Variants in DTNA observed in about 807,000 individuals in gnomAD.
The protein encoded by DTNA is dystrobrevin alpha.
DTNA carries 43 observed loss-of-function variants against 100.7 expected under a neutral mutation model. The ratio of observed to expected loss-of-function variants is 0.43; its 90% CI spans 0.33 to 0.55. The LOEUF is 0.55. Among genes scored for constraint, DTNA ranks in the 20% least tolerant of loss-of-function variants. The probability of loss-of-function intolerance (pLI) is 0.04; values close to 1 mark genes in which losing one functional copy is unlikely to be tolerated. For synonymous variants in DTNA, 349 were observed against 347.9 expected (o/e 1.00, Z -0.04); for missense variants, 798 against 953.9 (o/e 0.84, Z 2.15).
rs150249314 is a variant in DTNA, at chr18:34,579,093, C to T, written c.-2+85579C>T. ...TTTTCGTTGTTGTGTCTTAAGATTG[C>T]ACACATGCATCTTTATTATTGTTTA... is the stretch of plus-strand genomic sequence containing the variant. On this transcript the variant is annotated intron_variant, in intron 1 of 19. Coordinates refer to the DTNA transcript ENST00000283365. Among the ~76,000 whole-genome samples the T allele has an allele frequency of 2.0e-5, 3 of 152,166 alleles. No homozygotes were observed. The East Asian group carries it at 5.8e-4, about 29-fold the overall frequency.
At chr18:34,748,352 T>C (rs2091914237) in intron 1 of DTNA, among the ~76,000 whole-genome samples, 1 of 152,194 alleles carries the variant, frequency 6.6e-6, no homozygotes, top group Non-Finnish European at 1.5e-5. Flanking sequence ...TCACATTTGC[T>C]TTTGGGCCTT....
chr18:34,527,587 G>A (rs1453857351), intron 1 of DTNA, among the ~76,000 whole-genome samples: 1 of 152,064 alleles, frequency 6.6e-6, no homozygotes. Context: ...AGATATCACT[G>A]AAGACATTGT....
rs144887784 is a variant in DTNA, at chr18:34,679,225, A to C, written c.-1-76751A>C. 2.9e-3 allele frequency among the ~76,000 whole-genome samples: 445 copies of C among 152,280 alleles called. 2 individuals carry two copies. The highest frequency in any genetic ancestry group is 0.01 in the African/African-American group (419 of 41,566). On this transcript the variant is annotated intron_variant, in intron 1 of 19. Transcript: ENST00000283365. ...GCTTTTAAATCTTGGATGATCACTTAATCCCTCTGGAACTCACTGTCCTCA... is the reference window on the plus strand; with the variant it reads ...GCTTTTAAATCTTGGATGATCACTTCATCCCTCTGGAACTCACTGTCCTCA...
rs545389659 is a variant in DTNA, at chr18:34,812,800, A to G, written c.603+687A>G. Among the ~76,000 whole-genome samples, 3 of 152,256 alleles carry G rather than the reference A, an allele frequency of 2.0e-5. No individual in the cohort carries two copies. The East Asian group carries it at 5.8e-4, about 29-fold the overall frequency. On this transcript the variant is annotated intron_variant, in intron 6 of 22. Coordinates refer to ENST00000444659, the MANE Select transcript of DTNA (RefSeq NM_001386795.1). ...ATCACTGCACTTTCAAAAGGGCTTA[A>G]TTGTCTCACTCAGCCTCATGTGAAA...
At position 34,887,966 on chromosome 18, in the gene DTNA, C is replaced by T. The variant is rs2096937737; in HGVS notation, c.*232C>T. On this transcript the variant is annotated 3_prime_UTR_variant, in exon 23 of 23. Coordinates refer to ENST00000444659, the MANE Select transcript of DTNA (RefSeq NM_001386795.1). The stretch of plus-strand genomic sequence containing the variant: ...TATAGTGCAGCTAACTTTTTGTTCT[C>T]AGATTTGTAGTGCATAGGTGTGTGT... 1.0e-6 allele frequency: 1 copy of T among 985,680 alleles called. No individual in the cohort carries two copies. Among genetic ancestry groups the T allele is most frequent in the South Asian group, 4.7e-5 (1 of 21,278 alleles). 61.1% of individuals were successfully genotyped at this position (985,680 alleles called of 1,614,324 possible). A position where few individuals can be genotyped will look rare whatever the true frequency, so the allele number is the denominator to read the frequency against.
chr18:34,681,741 A>G (rs1232259708), intron 1 of DTNA, among the ~76,000 whole-genome samples: 1 of 151,340 alleles, frequency 6.6e-6, no homozygotes, highest in East Asian at 1.9e-4. Context: ...CCCCACACAC[A>G]CACACCCTAT....
At chr18:34,827,769 A>C in intron 10 of DTNA, 93 bp downstream of exon 10, 1 of 1,259,270 alleles carries the variant, frequency 7.9e-7, no homozygotes, top group East Asian at 2.3e-5. Flanking sequence ...AGCCAAGGGC[A>C]GAATATTGTT....
chr18:34,868,298 G>GA (rs1238770480), intron 17 of DTNA: 6 of 269,166 alleles, frequency 2.2e-5, no homozygotes, highest in Admixed American at 6.5e-5. Context: ...GATAGAAAAG[G>GA]AAAAAAAGCA....
At chr18:34,690,429 C>G (rs2079585438) in intron 1 of DTNA, among the ~76,000 whole-genome samples, 1 of 152,148 alleles carries the variant, frequency 6.6e-6, no homozygotes, top group African/African-American at 2.4e-5. Flanking sequence ...AGGCAATGCC[C>G]CACCCTGCTT....
rs752608761 is a variant in DTNA at position 34,794,022 on chromosome 18, C to G, written c.149-15C>G. On this transcript the variant is annotated splice_polypyrimidine_tract_variant and intron_variant, in intron 3 of 22. Coordinates refer to ENST00000444659, the MANE Select transcript of DTNA (RefSeq NM_001386795.1). The stretch of plus-strand genomic sequence containing the variant: ...ATTACTTTGGGCTGATGTGTTAACT[C>G]TGCTTTAATTGTAGTGCACCTGGTG... 6.8e-6 allele frequency: 11 copies of G among 1,612,582 alleles called. No homozygotes were observed. In the Admixed American group the frequency reaches 1.3e-4, roughly 20 times the overall value.
chr18:34,646,943 T>A (rs553046436), intron 1 of DTNA, among the ~76,000 whole-genome samples: 2 of 152,146 alleles, frequency 1.3e-5, no homozygotes, highest in South Asian at 4.2e-4. Flanking sequence ...CTCGATCTCT[T>A]GACCTCGTGA....
chr18:34,833,483 A>G (rs2096065252), intron 11 of DTNA, among the ~76,000 whole-genome samples: 1 of 151,810 alleles, frequency 6.6e-6, no homozygotes, highest in Non-Finnish European at 1.5e-5. Context: ...CTGCTTTCCA[A>G]AGGTCTAAAA....
intron 1 of DTNA, among the ~76,000 whole-genome samples, chr18:34,565,555 G>T (rs1447617429): frequency 6.6e-6 from 1 of 152,206 alleles, no homozygotes; most frequent in Non-Finnish European, 1.5e-5. Flanking sequence ...TCCTCTGCAG[G>T]CTAAGTGGGT....
intron 1 of DTNA, among the ~76,000 whole-genome samples, chr18:34,593,001 C>T (rs2049914304): frequency 1.3e-5 from 2 of 152,150 alleles, no homozygotes; most frequent in African/African-American, 2.4e-5. Context: ...AATCAGAGAA[C>T]ATTCTTTTTC....
intron 4 of DTNA, among the ~76,000 whole-genome samples, chr18:34,805,714 G>T (rs1047241113): frequency 6.6e-6 from 1 of 151,192 alleles, no homozygotes; most frequent in Middle Eastern, 3.4e-3. Flanking sequence ...GGTAGGAAAT[G>T]ATGGTTGAAA....
chr18:34,552,485 G>A (rs1377539986), intron 1 of DTNA, among the ~76,000 whole-genome samples: 7 of 148,716 alleles, frequency 4.7e-5, no homozygotes, highest in Non-Finnish European at 7.4e-5. Context: ...CCACTAACTC[G>A]TCATCTAGCA....
At chr18:34,876,936 A>AT (rs1270532157) in intron 18 of DTNA, among the ~76,000 whole-genome samples, 1 of 152,138 alleles carries the variant, frequency 6.6e-6, no homozygotes, top group African/African-American at 2.4e-5. Context: ...AACTACTCTG[A>AT]TTTTTTTAAT....
intron 1 of DTNA, among the ~76,000 whole-genome samples, chr18:34,666,370 T>C (rs1205432888): frequency 3.9e-5 from 6 of 152,086 alleles, no homozygotes; most frequent in Admixed American, 2.6e-4. Flanking sequence ...ATTCTGTAGG[T>C]TGCCTGTTCA....
At chr18:34,529,375 T>C (rs968908259) in intron 1 of DTNA, among the ~76,000 whole-genome samples, 3 of 152,056 alleles carry the variant, frequency 2.0e-5, no homozygotes, top group East Asian at 3.9e-4. Flanking sequence ...AAAAGAAATA[T>C]AAGTTGAAGA....
Sources: gnomAD v4.1 joint callset for allele counts (sites outside exome capture counted in the v4.1 genomes callset) on GRCh38, gnomAD v4.1.1 for gene constraint, MANE v1.5 for transcripts, NCBI Gene and HGNC (gene_info 2026-07-23, HGNC 2026-07-21) for gene names.